The following LRP1B variants were observed in gnomAD, a reference collection of about 807,000 sequenced individuals.
LRP1B encodes low-density lipoprotein receptor-related protein 1B.
LRP1B carries 217 observed loss-of-function variants against 556.6 expected under a neutral mutation model. That is an observed-to-expected ratio of 0.39 (90% CI 0.35 to 0.44). The LOEUF (loss-of-function observed/expected upper bound fraction) is 0.44, where lower values mean the gene tolerates loss of function less well. LRP1B is among the 20% of genes least tolerant of loss of function. LRP1B has a pLI of 1.00. For missense variants in LRP1B, 5,053 were observed against 5,620.8 expected (o/e 0.90, Z 3.23); for synonymous variants, 2,047 against 1,865.8 (o/e 1.10, Z -2.50).
intron 41 of LRP1B, among the ~76,000 whole-genome samples, chr2:140,664,866 G>T (rs956014116): frequency 2.6e-5 from 4 of 151,870 alleles, no homozygotes; most frequent in African/African-American, 9.7e-5. Flanking sequence ...CTGATATCTG[G>T]AATGCCCTTT....
At chr2:140,565,744 A>G (rs936285552) in intron 43 of LRP1B, among the ~76,000 whole-genome samples, 2 of 152,232 alleles carry the variant, frequency 1.3e-5, no homozygotes, top group Non-Finnish European at 1.5e-5. Flanking sequence ...CCTAGTGAGC[A>G]GAAAAGCTCA....
At chr2:141,715,010 C>T (rs1692524416) in intron 2 of LRP1B, among the ~76,000 whole-genome samples, 1 of 151,928 alleles carries the variant, frequency 6.6e-6, no homozygotes, top group Non-Finnish European at 1.5e-5. Context: ...TAATTTTTTC[C>T]AGGCATTCGT....
rs202005787 is a variant in LRP1B at position 141,480,529 on chromosome 2, G to A, written c.210C>T (p.Pro70=). The A allele has an allele frequency of 1.1e-4, 172 of 1,613,502 alleles. No homozygotes were observed. Among genetic ancestry groups the A allele is most frequent in the Non-Finnish European group, 1.3e-4 (150 of 1,179,820 alleles). ...DDSDESLDTC[P]EEVEIKCPLN... Reference sequence around the variant, plus strand: ...AGGGGCACTTGATTTCTACCTCCTCGGGACCTGAAAAGATGTAAAAAAGAA... The same window carrying A: ...AGGGGCACTTGATTTCTACCTCCTCAGGACCTGAAAAGATGTAAAAAAGAA... The change falls in exon 3 of 91, where the codon CCC becomes CCT. Residue 70 remains proline, a synonymous_variant. Transcript: ENST00000389484.
intron 2 of LRP1B, among the ~76,000 whole-genome samples, chr2:141,608,746 T>A (rs572139605): frequency 1.3e-5 from 2 of 152,176 alleles, no homozygotes; most frequent in East Asian, 3.9e-4. Context: ...CAAATAGTAA[T>A]CCTATATATA....
intron 3 of LRP1B, among the ~76,000 whole-genome samples, chr2:141,379,524 T>G (rs1380273097): frequency 6.6e-6 from 1 of 152,246 alleles, no homozygotes; most frequent in Middle Eastern, 3.4e-3. Context: ...AACAGGCAAC[T>G]GAGAAAATAC....
rs1378876940 is a variant in LRP1B at position 140,770,870 on chromosome 2, T to C, written c.5626+11A>G. Reference sequence around the variant, plus strand: ...AATGAACCAGAGGTAAGGTTTTTCATGAACTCATACCTTGACATGACATAC... The same window carrying C: ...AATGAACCAGAGGTAAGGTTTTTCACGAACTCATACCTTGACATGACATAC... On this transcript the variant is annotated intron_variant, in intron 34 of 90. Coordinates refer to ENST00000389484, the MANE Select transcript of LRP1B (RefSeq NM_018557.3). 7.1e-6 allele frequency: 11 copies of C among 1,539,692 alleles called. No individual in the cohort carries two copies. The highest frequency in any genetic ancestry group is 2.8e-5 in the African/African-American group (2 of 70,416).
chr2:141,500,331 A>G (rs184908835), intron 2 of LRP1B, among the ~76,000 whole-genome samples: 32 of 152,190 alleles, frequency 2.1e-4, no homozygotes, highest in African/African-American at 7.7e-4. Context: ...CCTAGCCACT[A>G]CTTTGGACTT....
chr2:140,573,485 C>T (rs1574093842), intron 43 of LRP1B, among the ~76,000 whole-genome samples: 1 of 151,782 alleles, frequency 6.6e-6, no homozygotes, highest in South Asian at 2.1e-4. Flanking sequence ...TAACTAATCA[C>T]CCCAAATTTG....
intron 2 of LRP1B, among the ~76,000 whole-genome samples, chr2:141,501,297 C>G (rs1683701561): frequency 6.6e-6 from 1 of 151,778 alleles, no homozygotes. Context: ...TGTGGTATAC[C>G]TCAAGAACAT....
At chr2:140,392,356 CAGA>C (rs1684060302) in intron 66 of LRP1B, among the ~76,000 whole-genome samples, 1 of 152,150 alleles carries the variant, frequency 6.6e-6, no homozygotes, top group African/African-American at 2.4e-5. Flanking sequence ...GTGCAGGGGA[CAGA>C]AGATCATCCC....
intron 1 of LRP1B, among the ~76,000 whole-genome samples, chr2:142,123,572 C>T (rs912001978): frequency 1.3e-5 from 2 of 151,638 alleles, no homozygotes; most frequent in African/African-American, 2.4e-5. Context: ...GAAGAGATGT[C>T]TGACTGTTAA....
chr2:140,337,469 A>G (rs746366005), intron 77 of LRP1B, among the ~76,000 whole-genome samples: 32 of 151,902 alleles, frequency 2.1e-4, no homozygotes, highest in Non-Finnish European at 3.7e-4. Context: ...CAAATGCTCC[A>G]GTATCATTTA....
chr2:141,649,074 T>C (rs1456238694), intron 2 of LRP1B, among the ~76,000 whole-genome samples: 1 of 152,216 alleles, frequency 6.6e-6, no homozygotes, highest in African/African-American at 2.4e-5. Context: ...GCTAAAATTC[T>C]AATTCATTCC....
intron 1 of LRP1B, among the ~76,000 whole-genome samples, chr2:141,856,552 A>G (rs1287797932): frequency 1.3e-5 from 2 of 152,162 alleles, no homozygotes; most frequent in African/African-American, 2.4e-5. Flanking sequence ...TTCTTTAGCC[A>G]TTTCCTGAGA....
At chr2:142,087,002 C>T (rs1705964483) in intron 1 of LRP1B, among the ~76,000 whole-genome samples, 1 of 152,128 alleles carries the variant, frequency 6.6e-6, no homozygotes, top group Non-Finnish European at 1.5e-5. Context: ...TGATTTTTCA[C>T]ATTGCAGGAG....
chr2:141,849,768 A>G (rs1697779927), intron 1 of LRP1B, among the ~76,000 whole-genome samples: 1 of 151,674 alleles, frequency 6.6e-6, no homozygotes, highest in African/African-American at 2.4e-5. Context: ...TTAACCTGTC[A>G]AATTTATTGA....
At chr2:141,778,978 T>C (rs891382362) in intron 2 of LRP1B, among the ~76,000 whole-genome samples, 12 of 152,224 alleles carry the variant, frequency 7.9e-5, no homozygotes, top group Non-Finnish European at 1.5e-4. Context: ...CATTATGTCT[T>C]ACTATACCTC....
intron 7 of LRP1B, among the ~76,000 whole-genome samples, chr2:141,092,320 T>A (rs1558854918): frequency 6.6e-6 from 1 of 152,186 alleles, no homozygotes; most frequent in East Asian, 1.9e-4. Flanking sequence ...TTATTGGATG[T>A]AAGAAAGAGA....
intron 1 of LRP1B, among the ~76,000 whole-genome samples, chr2:141,851,646 A>G (rs752269753): frequency 1.3e-5 from 2 of 151,784 alleles, no homozygotes; most frequent in African/African-American, 2.4e-5. Context: ...CCTTACCTAT[A>G]TATCTTAAAA....
Sources: allele counts gnomAD v4.1 joint callset (sites outside exome capture counted in the v4.1 genomes callset), GRCh38; gene constraint gnomAD v4.1.1; transcripts MANE v1.5; gene names NCBI Gene and HGNC (gene_info 2026-07-23, HGNC 2026-07-21).